Variants in WWOX observed in about 807,000 individuals in gnomAD.
WWOX encodes the protein WW domain-containing oxidoreductase.
WWOX carries 69 observed loss-of-function variants against 46.2 expected under a neutral mutation model. That is an observed-to-expected ratio of 1.49 (90% CI 1.23 to 1.82). The LOEUF (loss-of-function observed/expected upper bound fraction) is 1.82. Ranked by LOEUF, WWOX falls within the 40% of genes most tolerant of loss-of-function variation. The pLI is 0.00. For missense variants in WWOX, 919 were observed against 542.6 expected (o/e 1.69, Z -6.89); for synonymous variants, 359 against 202.6 (o/e 1.77, Z -6.56).
chr16:79,029,770 T>A (rs2047716840), intron 8 of WWOX, among the ~76,000 whole-genome samples: 1 of 152,212 alleles, frequency 6.6e-6, no homozygotes, highest in Non-Finnish European at 1.5e-5. Flanking sequence ...AATTATTAAT[T>A]GTACCCTGGA....
chr16:78,996,214 A>C (rs2046984423), intron 8 of WWOX: 2 of 985,224 alleles, frequency 2.0e-6, no homozygotes, highest in Non-Finnish European at 2.4e-6. Context: ...ATTTTTGAAG[A>C]CTTGTGGATA....
At chr16:79,173,658 C>G (rs2050744556) in intron 8 of WWOX, among the ~76,000 whole-genome samples, 1 of 151,330 alleles carries the variant, frequency 6.6e-6, no homozygotes, top group African/African-American at 2.4e-5. Context: ...AAAAACCCAC[C>G]TAGTGAAACC....
intron 8 of WWOX, chr16:79,203,333 A>G (rs1175742584): frequency 6.6e-6 from 1 of 152,188 alleles, no homozygotes; most frequent in Non-Finnish European, 1.5e-5. Context: ...GGAAATCCAC[A>G]CACCTAACTC....
intron 5 of WWOX, among the ~76,000 whole-genome samples, chr16:78,249,963 A>C (rs959756929): frequency 6.6e-6 from 1 of 152,184 alleles, no homozygotes; most frequent in Non-Finnish European, 1.5e-5. Flanking sequence ...CAGAGGGCTG[A>C]GGCCAGGTCC....
intron 8 of WWOX, among the ~76,000 whole-genome samples, chr16:78,583,855 T>C (rs566109974): frequency 1.3e-5 from 2 of 152,344 alleles, no homozygotes; most frequent in East Asian, 3.9e-4. Context: ...TGAAGAGCTT[T>C]ATTCGAGCAA....
intron 8 of WWOX, among the ~76,000 whole-genome samples, chr16:78,440,005 T>G (rs962271794): frequency 1.3e-5 from 2 of 152,178 alleles, no homozygotes; most frequent in Non-Finnish European, 2.9e-5. Flanking sequence ...ATCCCACTGG[T>G]TGGGACTGAG....
At chr16:79,074,846 C>T (rs909110034) in intron 8 of WWOX, among the ~76,000 whole-genome samples, 1 of 150,956 alleles carries the variant, frequency 6.6e-6, no homozygotes, top group Non-Finnish European at 1.5e-5. Flanking sequence ...AAATCTCTTG[C>T]AAGGCTTTTG....
At chr16:78,150,635 G>A (rs1023482711) in intron 4 of WWOX, among the ~76,000 whole-genome samples, 1 of 151,664 alleles carries the variant, frequency 6.6e-6, no homozygotes, top group African/African-American at 2.4e-5. Flanking sequence ...CTCCTGCCTC[G>A]GCCTCCCAAA....
intron 5 of WWOX, among the ~76,000 whole-genome samples, chr16:78,276,668 A>G (rs956819286): frequency 1.2e-4 from 18 of 152,210 alleles, no homozygotes; most frequent in African/African-American, 4.3e-4. Context: ...TGTAGCTGTG[A>G]TCTCTCAGTT....
chr16:78,676,342 A>T (rs769306163), intron 8 of WWOX, among the ~76,000 whole-genome samples: 1 of 151,818 alleles, frequency 6.6e-6, no homozygotes, highest in Non-Finnish European at 1.5e-5. Context: ...ATTGCCCTCC[A>T]TTCAGATCTT....
chr16:78,456,620 A>T (rs909429967), intron 8 of WWOX, among the ~76,000 whole-genome samples: 1 of 152,224 alleles, frequency 6.6e-6, no homozygotes, highest in African/African-American at 2.4e-5. Flanking sequence ...TTATAAAAAA[A>T]TTTAAAAATT....
At chr16:78,611,943 G>A (rs2045910345) in intron 8 of WWOX, among the ~76,000 whole-genome samples, 2 of 152,212 alleles carry the variant, frequency 1.3e-5, no homozygotes, top group Admixed American at 1.3e-4. Flanking sequence ...CTATAGGAAG[G>A]GTAGCAAAGA....
At chr16:79,066,372 C>T (rs77080539) in intron 8 of WWOX, among the ~76,000 whole-genome samples, 4,605 of 152,228 alleles carry the variant, frequency 0.03, 200 homozygotes, top group African/African-American at 0.1. Context: ...ATAGTAGACT[C>T]CATCAGGGCT....
At chr16:78,497,490 T>G (rs1039701508) in intron 8 of WWOX, among the ~76,000 whole-genome samples, 19 of 151,518 alleles carry the variant, frequency 1.3e-4, no homozygotes, top group African/African-American at 4.4e-4. Context: ...TCTAAAAAAT[T>G]TCTTTACAGA....
At chr16:78,962,927 T>A (rs909477768) in intron 8 of WWOX, among the ~76,000 whole-genome samples, 3 of 152,206 alleles carry the variant, frequency 2.0e-5, no homozygotes, top group African/African-American at 7.2e-5. Flanking sequence ...CTTTTACTCC[T>A]CATTAGGTTG....
intron 8 of WWOX, among the ~76,000 whole-genome samples, chr16:78,826,510 C>T (rs867907803): frequency 1.3e-5 from 2 of 152,298 alleles, no homozygotes; most frequent in Middle Eastern, 3.4e-3. Context: ...CATATCACTC[C>T]AATCCCTGCC....
chr16:78,612,540 A>G (rs1253967395), intron 8 of WWOX, among the ~76,000 whole-genome samples: 4 of 152,206 alleles, frequency 2.6e-5, no homozygotes, highest in African/African-American at 7.2e-5. Context: ...GCAGTGTACA[A>G]TCAGATTTCA....
At chr16:79,078,396 T>A (rs564357554) in intron 8 of WWOX, among the ~76,000 whole-genome samples, 1 of 152,218 alleles carries the variant, frequency 6.6e-6, no homozygotes, top group African/African-American at 2.4e-5. Flanking sequence ...CTTCTCTGAT[T>A]CTCATGGCTC....
At chr16:78,224,580 A>G (rs2036990701) in intron 5 of WWOX, among the ~76,000 whole-genome samples, 1 of 152,162 alleles carries the variant, frequency 6.6e-6, no homozygotes, top group Admixed American at 6.5e-5. Context: ...GTTGTTGGAC[A>G]TACAGGTTAT....
Sources: gnomAD v4.1 joint callset for allele counts (sites outside exome capture counted in the v4.1 genomes callset) on GRCh38, gnomAD v4.1.1 for gene constraint, MANE v1.5 for transcripts, NCBI Gene and HGNC (gene_info 2026-07-23, HGNC 2026-07-21) for gene names.